MOB3B: variants seen among roughly 807,000 people sequenced by gnomAD.
The protein encoded by MOB3B is MOB kinase activator-like 2B.
MOB3B carries 7 observed loss-of-function variants against 18.7 expected under a neutral mutation model. That is an observed-to-expected ratio of 0.37 (90% CI 0.21 to 0.70). The LOEUF is 0.70. MOB3B is among the 30% of genes least tolerant of loss of function. The pLI, the probability that MOB3B is intolerant of heterozygous loss-of-function variation, is 0.52. For missense variants in MOB3B, 253 were observed against 281.3 expected, an observed-to-expected ratio of 0.90 and a Z score of 0.72; for synonymous variants, 111 against 99.9, an observed-to-expected ratio of 1.11 and a Z score of -0.66.
chr9:27,513,809 A>G (rs139992803), intron 1 of MOB3B, among the ~76,000 whole-genome samples: 2,059 of 152,312 alleles, frequency 0.014, 126 homozygotes, highest in Admixed American at 0.1. Flanking sequence ...CACTATGAGG[A>G]CATGAAGTTT....
intron 1 of MOB3B, among the ~76,000 whole-genome samples, chr9:27,482,441 G>T (rs1054547620): frequency 6.6e-6 from 1 of 152,212 alleles, no homozygotes; most frequent in East Asian, 1.9e-4. Flanking sequence ...GTGCCTAAAA[G>T]AATGGAGAGG....
chr9:27,457,320 G>T (rs1298255429), intron 1 of MOB3B, among the ~76,000 whole-genome samples: 1 of 152,148 alleles, frequency 6.6e-6, no homozygotes, highest in Non-Finnish European at 1.5e-5. Flanking sequence ...CCACTCATAG[G>T]TCAAGCCCCA....
Position 27,386,688 on chromosome 9 carries a change from CT to C in MOB3B, c.419-27453del, listed in dbSNP as rs1821653942. The stretch of plus-strand genomic sequence containing the variant: ...TGATGGCCCTTAAGGCTCAGTCTGC[CT>C]GAGTTCCACTGATATTTTATGAGCT... On this transcript the variant is annotated intron_variant, in intron 2 of 3. Transcript: ENST00000262244. 3.3e-5 allele frequency among the ~76,000 whole-genome samples: 5 copies of C among 152,222 alleles called. No individual in the cohort carries two copies. In the South Asian group the frequency reaches 1.0e-3, roughly 31 times the overall value.
intron 1 of MOB3B, among the ~76,000 whole-genome samples, chr9:27,501,001 A>G (rs540417081): frequency 6.6e-6 from 1 of 152,186 alleles, no homozygotes; most frequent in Non-Finnish European, 1.5e-5. Flanking sequence ...TGAAAAAAAA[A>G]CCTCATCATC....
chr9:27,341,292 T>C (rs562662529), intron 3 of MOB3B, among the ~76,000 whole-genome samples: 57 of 152,338 alleles, frequency 3.7e-4, no homozygotes, highest in Middle Eastern at 3.4e-3. Context: ...TTCTGAACTT[T>C]CAGAGCATGG....
intron 1 of MOB3B, among the ~76,000 whole-genome samples, chr9:27,492,579 A>G (rs774082643): frequency 1.3e-5 from 2 of 152,172 alleles, no homozygotes; most frequent in African/African-American, 2.4e-5. Flanking sequence ...GACCAATAGG[A>G]TTTAACCATT....
intron 2 of MOB3B, among the ~76,000 whole-genome samples, chr9:27,407,847 G>A (rs11791578): frequency 6.6e-6 from 1 of 151,970 alleles, no homozygotes; most frequent in Non-Finnish European, 1.5e-5. Flanking sequence ...GCTTCCTCTC[G>A]ATTTCTTTCC....
chr9:27,340,357 A>T (rs1219129140), intron 3 of MOB3B, among the ~76,000 whole-genome samples: 1 of 152,212 alleles, frequency 6.6e-6, no homozygotes, highest in African/African-American at 2.4e-5. Context: ...GCAAACATTA[A>T]AAATAAGTCA....
chr9:27,379,488 C>A (rs182453002), intron 2 of MOB3B, among the ~76,000 whole-genome samples: 3 of 152,162 alleles, frequency 2.0e-5, no homozygotes, highest in African/African-American at 7.2e-5. Context: ...GAGGCAGGTA[C>A]TACCATCATC....
chr9:27,342,428 C>A (rs936039830), intron 3 of MOB3B, among the ~76,000 whole-genome samples: 1 of 151,756 alleles, frequency 6.6e-6, no homozygotes, highest in Non-Finnish European at 1.5e-5. Context: ...AACTAAACCC[C>A]TCTCCCTCCC....
intron 1 of MOB3B, among the ~76,000 whole-genome samples, chr9:27,527,255 T>C (rs1820449945): frequency 6.6e-6 from 1 of 152,200 alleles, no homozygotes; most frequent in Non-Finnish European, 1.5e-5. Context: ...ACTTTGGTCT[T>C]TTTTGTTGCT....
chr9:27,383,949 G>C (rs1451006677), intron 2 of MOB3B, among the ~76,000 whole-genome samples: 2 of 152,126 alleles, frequency 1.3e-5, no homozygotes, highest in Non-Finnish European at 2.9e-5. Flanking sequence ...TAAATAAAAT[G>C]CCATTTACTC....
rs769487918 is a variant in MOB3B at position 27,455,262 on chromosome 9, C to A, written c.289G>T (p.Glu97Ter). The change falls in exon 2 of 4, where the codon GAG becomes TAG. Residue 97 changes from glutamate to a stop codon, truncating the protein, a stop_gained. Transcript: ENST00000262244. LOFTEE classifies it high-confidence loss of function. ...CPVMSGGPKY[E>*]YRWQDDLKYK... ...TTGAGATCATCCTGCCACCGATACT[C>A]ATATTTGGGGCCCCCTGACATCACA... 6.2e-7 allele frequency: 1 copy of A among 1,614,110 alleles called. No individual in the cohort carries two copies. Among genetic ancestry groups the A allele is most frequent in the Non-Finnish European group, 8.5e-7 (1 of 1,179,990 alleles).
chr9:27,428,894 G>T (rs916696118), intron 2 of MOB3B, among the ~76,000 whole-genome samples: 1 of 152,174 alleles, frequency 6.6e-6, no homozygotes, highest in Non-Finnish European at 1.5e-5. Flanking sequence ...TCTGAGGAAG[G>T]GTACAAAGCC....
chr9:27,516,703 A>G (rs1432564127), intron 1 of MOB3B, among the ~76,000 whole-genome samples: 2 of 152,320 alleles, frequency 1.3e-5, no homozygotes, highest in East Asian at 3.9e-4. Context: ...ACTGTAACAT[A>G]GCATATTCTT....
At chr9:27,396,591 A>C (rs1821803563) in intron 2 of MOB3B, among the ~76,000 whole-genome samples, 1 of 152,010 alleles carries the variant, frequency 6.6e-6, no homozygotes, top group African/African-American at 2.4e-5. Context: ...TGTTTCCCAT[A>C]TTTCTCCTTG....
intron 3 of MOB3B, among the ~76,000 whole-genome samples, chr9:27,331,440 T>C (rs796201123): frequency 2.0e-5 from 3 of 152,264 alleles, no homozygotes; most frequent in African/African-American, 7.2e-5. Flanking sequence ...CATTGATTCT[T>C]ACATGCAGTG....
intron 2 of MOB3B, among the ~76,000 whole-genome samples, chr9:27,443,786 A>G (rs555021721): frequency 2.6e-5 from 4 of 152,254 alleles, no homozygotes; most frequent in Admixed American, 6.5e-5. Context: ...GTTTTAGCAT[A>G]CTTCCTGATC....
intron 1 of MOB3B, among the ~76,000 whole-genome samples, chr9:27,469,290 G>GA (rs145068682): frequency 0.011 from 1,679 of 151,642 alleles, 18 homozygotes; most frequent in Non-Finnish European, 0.017. Flanking sequence ...TCTAATACGA[G>GA]AAAAAAAATG....
Sources: gnomAD v4.1 joint callset for allele counts (sites outside exome capture counted in the v4.1 genomes callset) on GRCh38, gnomAD v4.1.1 for gene constraint, MANE v1.5 for transcripts, NCBI Gene and HGNC (gene_info 2026-07-23, HGNC 2026-07-21) for gene names.